The following HSF2 variants were observed in gnomAD, a reference collection of about 807,000 sequenced individuals.
The protein encoded by HSF2 is heat shock transcription factor 2, also known as heat shock factor protein 2.
In HSF2, 21 loss-of-function variants were observed where a neutral mutation model predicts 65.0. That is an observed-to-expected ratio of 0.32 (90% CI 0.23 to 0.47). The LOEUF (loss-of-function observed/expected upper bound fraction) is 0.47, where lower values mean the gene tolerates loss of function less well. Ranked by LOEUF, HSF2 falls within the 20% of genes least tolerant of loss-of-function variation. The probability of loss-of-function intolerance (pLI) is 1.00; values close to 1 mark genes in which losing one functional copy is unlikely to be tolerated. For missense variants in HSF2, 499 were observed against 628.1 expected (o/e 0.79, Z 2.20); for synonymous variants, 225 against 219.1 (o/e 1.03, Z -0.24).
chr6:122,399,669 G>A lies in HSF2; in HGVS notation c.-69G>A, dbSNP rs976219496. The A allele has an allele frequency of 4.6e-5, 60 of 1,311,062 alleles. No individual in the cohort carries two copies. The highest frequency in any genetic ancestry group is 6.1e-5 in the Non-Finnish European group (57 of 934,346). The allele number at this position is 1,311,062 out of a possible 1,614,324, so 81.2% of individuals were successfully genotyped here. ...TTGTGGGCGTTCTCGGGGAGCTGCT[G>A]CCGTAGCTGCCGCCGCCGCTACCAC... On this transcript the variant is annotated 5_prime_UTR_variant, in exon 1 of 13. Transcript: ENST00000368455.
At chr6:122,413,695 T>A (rs1273847796) in intron 4 of HSF2, 46 bp downstream of exon 4, 44 of 1,454,792 alleles carry the variant, frequency 3.0e-5, no homozygotes, top group Non-Finnish European at 4.0e-5. Context: ...GAATTGGGTA[T>A]GTGTCTATGT....
At chr6:122,404,863 A>G (rs574462) in intron 1 of HSF2, among the ~76,000 whole-genome samples, 121,173 of 152,142 alleles carry the variant, frequency 0.8, 48,491 homozygotes, top group South Asian at 0.92. Context: ...ATAGAGTGAT[A>G]TGAATGAATA....
chr6:122,421,360 C>T (rs1227186325), intron 7 of HSF2, among the ~76,000 whole-genome samples: 1 of 151,850 alleles, frequency 6.6e-6, no homozygotes, highest in African/African-American at 2.4e-5. Context: ...CAAACTTAAC[C>T]TCACATCTGA....
rs772032459 is a variant in HSF2, at chr6:122,419,173, C to G, written c.537C>G (p.Val179=). Residue 179 remains valine, a synonymous_variant, in exon 6 of 13, where the codon GTC becomes GTG. Transcript: ENST00000368455. The part of the protein sequence containing the change: ...AQQQQVIRKI[V]QFIVTLVQNN... ...TTTGTTTATATTTTTTTCAGATTGT[C>G]CAGTTTATTGTTACATTGGTTCAAA... The G allele has an allele frequency of 2.1e-6, 3 of 1,441,718 alleles. No homozygotes were observed. Among genetic ancestry groups the G allele is most frequent in the Non-Finnish European group, 2.9e-6 (3 of 1,032,326 alleles). The allele number at this position is 1,441,718 out of a possible 1,614,324, so 89.3% of individuals were successfully genotyped here. A position where few individuals can be genotyped will look rare whatever the true frequency, so the allele number is the denominator to read the frequency against.
chr6:122,412,333 T>G (rs1774017315), intron 1 of HSF2, 40 bp from the exon 2 acceptor site: 3 of 1,193,378 alleles, frequency 2.5e-6, no homozygotes, highest in African/African-American at 1.5e-5. Flanking sequence ...TCATAGGAAC[T>G]TAACTAATTT....
At chr6:122,411,278 C>G (rs1211509391) in intron 1 of HSF2, among the ~76,000 whole-genome samples, 1 of 151,622 alleles carries the variant, frequency 6.6e-6, no homozygotes, top group East Asian at 1.9e-4. Flanking sequence ...CTACTCACAT[C>G]CTTGCTCGTT....
At chr6:122,406,888 A>C (rs1005075811) in intron 1 of HSF2, among the ~76,000 whole-genome samples, 2 of 152,190 alleles carry the variant, frequency 1.3e-5, no homozygotes, top group African/African-American at 4.8e-5. Context: ...AGAAAAAAAA[A>C]CAGGAGTATT....
At chr6:122,417,175 G>A (rs1774145451) in intron 5 of HSF2, among the ~76,000 whole-genome samples, 1 of 151,496 alleles carries the variant, frequency 6.6e-6, no homozygotes, top group Admixed American at 6.6e-5. Context: ...AAGTGTGCAA[G>A]TGAAGGTTGA....
At position 122,432,116 on chromosome 6, in the gene HSF2, C is replaced by CT; in HGVS notation, c.1508dup (p.Glu504GlyfsTer5). 6.2e-7 allele frequency: 1 copy of CT among 1,614,080 alleles called. No homozygotes were observed. On this transcript the variant is annotated frameshift_variant, in exon 13 of 13. Coordinates refer to ENST00000368455, the MANE Select transcript of HSF2 (RefSeq NM_004506.4). LOFTEE classifies it high-confidence loss of function. ...ACCAACCCAAAGTAAGCTTGTTCGC[C>CT]TGGAGCCATTGACTGAAGCTGAAGC...
Position 122,399,701 on chromosome 6 carries a change from C to A in HSF2, c.-37C>A, listed in dbSNP as rs763368477. 3 of 1,521,968 alleles carry A rather than the reference C, an allele frequency of 2.0e-6. No homozygotes were observed. The highest frequency in any genetic ancestry group is 2.3e-5 in the South Asian group (2 of 87,724). The allele number at this position is 1,521,968 out of a possible 1,614,324, so 94.3% of individuals were successfully genotyped here. On this transcript the variant is annotated 5_prime_UTR_variant, in exon 1 of 13. Transcript: ENST00000368455. ...CTGCCGCCGCCGCTACCACCGCGTT[C>A]GGGTGTAGAATTTGGAATCCCTGCG...
At chr6:122,407,955 C>T (rs531656788) in intron 1 of HSF2, among the ~76,000 whole-genome samples, 15 of 105,418 alleles carry the variant, frequency 1.4e-4, no homozygotes, top group Admixed American at 4.7e-4. Context: ...TGTGTCTTCC[C>T]AATGGCAGAG....
At chr6:122,424,633 A>G (rs1774302807) in intron 10 of HSF2, among the ~76,000 whole-genome samples, 1 of 152,032 alleles carries the variant, frequency 6.6e-6, no homozygotes, top group Non-Finnish European at 1.5e-5. Flanking sequence ...TTCTTTGAAG[A>G]TTTCTTTTCC....
Position 122,431,496 on chromosome 6 carries a change from A to T in HSF2, c.1297A>T (p.Lys433Ter), listed in dbSNP as rs1305475573. 6.3e-7 allele frequency: 1 copy of T among 1,583,264 alleles called. No individual in the cohort carries two copies. Among genetic ancestry groups the T allele is most frequent in the African/African-American group, 1.4e-5 (1 of 74,060 alleles). The change falls in exon 12 of 13, where the codon AAA (lysine) becomes TAA (stop). Residue 433 changes from lysine (K) to a stop codon, truncating the protein, a stop_gained. Transcript: ENST00000368455. LOFTEE classifies it high-confidence loss of function. The stretch of plus-strand genomic sequence containing the variant: ...TCAGCCAGTTTCGGAAGAGGGAAGA[A>T]AATCTAAATCCAAACCAGGTAGGTA... ...VVQPVSEEGR[K>*]SKSKPDKQLI...
At chr6:122,415,615 A>T (rs1774107646) in intron 4 of HSF2, among the ~76,000 whole-genome samples, 1 of 152,188 alleles carries the variant, frequency 6.6e-6, no homozygotes, top group Admixed American at 6.5e-5. Flanking sequence ...ATAATGAGCC[A>T]GATTGTCAAA....
intron 1 of HSF2, among the ~76,000 whole-genome samples, chr6:122,407,858 G>A (rs1436527148): frequency 6.6e-6 from 1 of 152,096 alleles, no homozygotes; most frequent in African/African-American, 2.4e-5. Flanking sequence ...TACAGTTCTG[G>A]AGGTGGAGAA....
rs1412916146 is a variant in HSF2 at position 122,429,353 on chromosome 6, T to C, written c.1230+1397T>C. 2.0e-5 allele frequency among the ~76,000 whole-genome samples: 3 copies of C among 152,070 alleles called. No homozygotes were observed. The East Asian group carries it at 5.8e-4, about 29-fold the overall frequency. The stretch of plus-strand genomic sequence containing the variant: ...CCTTGATTATAGTTTTCAAAAACTA[T>C]AAGCAGTTAAGCAACAAATTGCATT... On this transcript the variant is annotated intron_variant, in intron 11 of 12. Transcript: ENST00000368455.
chr6:122,404,726 C>T (rs573488913), intron 1 of HSF2, among the ~76,000 whole-genome samples: 22 of 152,260 alleles, frequency 1.4e-4, no homozygotes, highest in African/African-American at 5.3e-4. Flanking sequence ...TTGTAAAATA[C>T]TTAGGGAGAT....
At chr6:122,425,334 G>A (rs1047130118) in intron 10 of HSF2, among the ~76,000 whole-genome samples, 1 of 151,856 alleles carries the variant, frequency 6.6e-6, no homozygotes, top group East Asian at 1.9e-4. Flanking sequence ...TTGTAAGTAC[G>A]CTGTGTGTGA....
intron 4 of HSF2, among the ~76,000 whole-genome samples, chr6:122,414,502 T>G (rs983464734): frequency 6.6e-6 from 1 of 152,252 alleles, no homozygotes; most frequent in Non-Finnish European, 1.5e-5. Context: ...GTTTACTGTA[T>G]GTATCTTGTG....
Sources: allele counts gnomAD v4.1 joint callset (sites outside exome capture counted in the v4.1 genomes callset), GRCh38; gene constraint gnomAD v4.1.1; transcripts MANE v1.5; gene names NCBI Gene and HGNC (gene_info 2026-07-23, HGNC 2026-07-21).